PIP5K1C: variants seen among roughly 807,000 people sequenced by gnomAD.
PIP5K1C encodes phosphatidylinositol 4-phosphate 5-kinase type-1 gamma.
A neutral mutation model predicts 80.1 loss-of-function variants in PIP5K1C; 45 were observed. The ratio of observed to expected loss-of-function variants is 0.56; its 90% CI spans 0.44 to 0.72. The LOEUF (loss-of-function observed/expected upper bound fraction) is 0.72. Among genes scored for constraint, PIP5K1C ranks in the 30% least tolerant of loss-of-function variants. The pLI, the probability that PIP5K1C is intolerant of heterozygous loss-of-function variation, is 0.00. For synonymous variants in PIP5K1C, 498 were observed against 420.1 expected (o/e 1.19, Z -2.27); for missense variants, 753 against 954.6 (o/e 0.79, Z 2.78).
chr19:3,688,332 C>T lies in PIP5K1C; in HGVS notation c.94+11965G>A, dbSNP rs1488371141. On this transcript the variant is annotated intron_variant, in intron 1 of 17. Transcript: ENST00000335312. The surrounding 1 kb of genome is among the most constrained non-coding windows in gnomAD (Gnocchi z 5.3). ...GGTTAGGCCGTGGTGGGAAACAGAG[C>T]GGGGTGCCGCAGGGGAGCCCGCAGG... is the stretch of plus-strand genomic sequence containing the variant. Among the ~76,000 whole-genome samples, 2 of 152,134 alleles carry T rather than the reference C, an allele frequency of 1.3e-5. No homozygotes were observed. The highest frequency in any genetic ancestry group is 1.9e-4 in the East Asian group (1 of 5,172).
At chr19:3,671,970 G>A (rs958863995) in intron 1 of PIP5K1C, among the ~76,000 whole-genome samples, 6 of 152,210 alleles carry the variant, frequency 3.9e-5, no homozygotes, top group African/African-American at 7.2e-5. Context: ...CTGCGGAGCC[G>A]GGAGGTGGCC....
In PIP5K1C at chr19:3,641,707, T is replaced by C. The variant is rs1292072588; in HGVS notation, c.1785A>G (p.Ala595=). The change falls in exon 15 of 18, where the codon GCA becomes GCG. Residue 595 remains alanine, a splice_region_variant and synonymous_variant. Transcript: ENST00000335312. ...CCTCCCGCCGAGGCCGTGCTCACCCTGCGTCCTCCTCTTTGGGGACCACAA... is the reference window on the plus strand; with the variant it reads ...CCTCCCGCCGAGGCCGTGCTCACCCCGCGTCCTCCTCTTTGGGGACCACAA... ...VEIVVPKEED[A]GVEASPAGAS... 1.9e-6 allele frequency: 3 copies of C among 1,606,758 alleles called. No homozygotes were observed. Among genetic ancestry groups the C allele is most frequent in the Non-Finnish European group, 1.7e-6 (2 of 1,179,584 alleles).
chr19:3,641,339 GTC>G (rs1237143987), intron 15 of PIP5K1C, among the ~76,000 whole-genome samples: 3 of 152,148 alleles, frequency 2.0e-5, no homozygotes, highest in Non-Finnish European at 4.4e-5. Flanking sequence ...TTAGCCCAGG[GTC>G]TCTTGCCTGG....
chr19:3,644,170 G>C lies in PIP5K1C; in HGVS notation c.1427C>G (p.Ser476Trp). ...CCGCTCGCTAGGGATCTGGCTGGCC[G>C]AGAAGGCAGCGGTGGGCCCCAGCGG... is the stretch of plus-strand genomic sequence containing the variant. ...VKPLGPTAAF[S>W]ASQIPSEREE... Residue 476 changes from serine to tryptophan, a missense_variant, in exon 12 of 18, where the codon TCG becomes TGG. Around this residue, in one of 6 missense-constraint regions of PIP5K1C, gnomAD observed 315 missense variants for 294.5 expected, o/e 1.07. Transcript: ENST00000335312. 6.2e-7 allele frequency: 1 copy of C among 1,612,286 alleles called. No homozygotes were observed. Among genetic ancestry groups the C allele is most frequent in the Non-Finnish European group, 8.5e-7 (1 of 1,179,870 alleles).
intron 11 of PIP5K1C, among the ~76,000 whole-genome samples, 169 bp from the exon 12 acceptor site, chr19:3,644,420 T>C (rs913749239): frequency 1.3e-5 from 2 of 152,038 alleles, no homozygotes; most frequent in African/African-American, 2.4e-5. Context: ...GGGGTCTGCC[T>C]GGGGAGGGAC....
Position 3,700,319 on chromosome 19 carries a change from C to T in PIP5K1C, c.72G>A (p.Ala24=), listed in dbSNP as rs2036257824. Residue 24 remains alanine (A), a synonymous_variant, in exon 1 of 18, where the codon GCG becomes GCA. Transcript: ENST00000335312. Reference sequence around the variant, plus strand: ...TACCTGCCGCCGCCCCGCTCTCTGCCGCCCACGCCGCCTCCGAGGGCACGG... The same window carrying T: ...TACCTGCCGCCGCCCCGCTCTCTGCTGCCCACGCCGCCTCCGAGGGCACGG... ...AGAVPSEAAW[A]AESGAAAGLA... is the part of the protein sequence containing the mutation. The T allele has an allele frequency of 7.7e-7, 1 of 1,293,494 alleles. No individual in the cohort carries two copies. The highest frequency in any genetic ancestry group is 1.0e-6 in the Non-Finnish European group (1 of 1,004,116). The allele number at this position is 1,293,494 out of a possible 1,614,324, so 80.1% of individuals were successfully genotyped here.
intron 17 of PIP5K1C, 61 bp downstream of exon 17, chr19:3,633,376 A>G (rs1343543062): frequency 3.8e-6 from 5 of 1,305,320 alleles, no homozygotes; most frequent in Non-Finnish European, 5.2e-6. Flanking sequence ...GTAGCTGGGG[A>G]CCACGCTCAG....
intron 7 of PIP5K1C, 146 bp from the exon 8 acceptor site, chr19:3,652,177 G>A (rs1218270838): frequency 2.5e-5 from 17 of 681,094 alleles, no homozygotes; most frequent in South Asian, 2.5e-4. Flanking sequence ...AGGAGTGGGG[G>A]TTCTAGTGTT....
chr19:3,633,223 C>T (rs2033523973), intron 17 of PIP5K1C, 54 bp from the exon 18 acceptor site: 2 of 739,568 alleles, frequency 2.7e-6, no homozygotes, highest in Admixed American at 1.9e-5. Flanking sequence ...CCACCCCAGG[C>T]CCCCTGCCAG....
At chr19:3,699,153 G>A (rs979872108) in intron 1 of PIP5K1C, among the ~76,000 whole-genome samples, 10 of 151,968 alleles carry the variant, frequency 6.6e-5, no homozygotes, top group African/African-American at 2.4e-5. Context: ...AAAGGAACCC[G>A]GGCTGGGGCC....
chr19:3,665,833 A>T (rs1042518801), intron 2 of PIP5K1C, among the ~76,000 whole-genome samples: 1 of 152,074 alleles, frequency 6.6e-6, no homozygotes, highest in Non-Finnish European at 1.5e-5. Context: ...CAAGGAGAAC[A>T]GCCCCGCCTG....
At chr19:3,650,077 AC>A (rs148826764) in intron 8 of PIP5K1C, 12 of 157,890 alleles carry the variant, frequency 7.6e-5, no homozygotes, top group South Asian at 3.4e-4. Flanking sequence ...TGGCTCCCGC[AC>A]CCCCCCGCAG....
Position 3,648,533 on chromosome 19 carries a change from C to T in PIP5K1C, c.1211+92G>A, listed in dbSNP as rs1173946049. 8.3e-6 allele frequency: 8 copies of T among 969,080 alleles called. No individual in the cohort carries two copies. The highest frequency in any genetic ancestry group is 7.2e-5 in the East Asian group (3 of 41,532). 60.0% of individuals were successfully genotyped at this position (969,080 alleles called of 1,614,324 possible). A position where few individuals can be genotyped will look rare whatever the true frequency, so the allele number is the denominator to read the frequency against. On this transcript the variant is annotated intron_variant, in intron 9 of 17. Transcript: ENST00000335312. The surrounding 1 kb of genome is among the most constrained non-coding windows in gnomAD (Gnocchi z 4.3). ...CCACCTGTGGGGCTGCAGACCCGGG[C>T]GCCCACCTGTGGGGCTGCAGACCCG... is the stretch of plus-strand genomic sequence containing the variant.
chr19:3,633,601 G>C, intron 16 of PIP5K1C, 81 bp from the exon 17 acceptor site: 2 of 948,626 alleles, frequency 2.1e-6, no homozygotes, highest in South Asian at 3.0e-5. Flanking sequence ...GAGGAAGGAA[G>C]AGACAGGAGA....
At chr19:3,694,017 C>T (rs2036026132) in intron 1 of PIP5K1C, among the ~76,000 whole-genome samples, 1 of 152,100 alleles carries the variant, frequency 6.6e-6, no homozygotes, top group Non-Finnish European at 1.5e-5. Flanking sequence ...TCAACACCCT[C>T]CTGGCTAACA....
At position 3,662,838 on chromosome 19, in the gene PIP5K1C, T is replaced by C. The variant is rs767249192; in HGVS notation, c.220-837A>G. Among the ~76,000 whole-genome samples, 19 of 150,700 alleles carry C rather than the reference T, an allele frequency of 1.3e-4. 1 individual carries two copies. Among genetic ancestry groups the C allele is most frequent in the African/African-American group, 2.5e-4 (10 of 40,720 alleles). ...GCCTGGGCCTCCCAAAATGCTGCGATTGCACGTGTGAGCCAGCACGCCGGC... is the reference window on the plus strand; with the variant it reads ...GCCTGGGCCTCCCAAAATGCTGCGACTGCACGTGTGAGCCAGCACGCCGGC... On this transcript the variant is annotated intron_variant, in intron 3 of 17. Coordinates refer to ENST00000335312, the MANE Select transcript of PIP5K1C (RefSeq NM_012398.3).
intron 3 of PIP5K1C, among the ~76,000 whole-genome samples, chr19:3,664,412 G>A (rs1237320749): frequency 6.6e-6 from 1 of 152,172 alleles, no homozygotes; most frequent in Non-Finnish European, 1.5e-5. Flanking sequence ...CCCTAGGTGG[G>A]GGTGGGAACA....
At chr19:3,638,098 T>G in intron 16 of PIP5K1C, 1 of 1,408,880 alleles carries the variant, frequency 7.1e-7, no homozygotes, top group Non-Finnish European at 9.3e-7. Flanking sequence ...CAGCCCTCCT[T>G]CCCAGGGGGT....
chr19:3,674,914 T>C (rs1446693033), intron 1 of PIP5K1C, among the ~76,000 whole-genome samples: 3 of 152,278 alleles, frequency 2.0e-5, no homozygotes, highest in South Asian at 2.1e-4. Flanking sequence ...TATTCAGCCA[T>C]GAAAAGGAGT....
Sources: gnomAD v4.1 joint callset for allele counts (sites outside exome capture counted in the v4.1 genomes callset) on GRCh38, gnomAD v4.1.1 for gene constraint, gnomAD v4.1.1 regional missense constraint, Gnocchi (gnomAD v3.1) non-coding constraint, MANE v1.5 for transcripts, NCBI Gene and HGNC (gene_info 2026-07-23, HGNC 2026-07-21) for gene names.